KIAA1671: variants seen among roughly 807,000 people sequenced by gnomAD.
KIAA1671 encodes the protein uncharacterized protein KIAA1671.
In KIAA1671, 52 loss-of-function variants were observed where a neutral mutation model predicts 131.2. The observed-to-expected ratio is 0.40, with a 90% CI of 0.32 to 0.50. The LOEUF (loss-of-function observed/expected upper bound fraction) is 0.50, where lower values mean the gene tolerates loss of function less well. Ranked by LOEUF, KIAA1671 falls within the 20% of genes least tolerant of loss-of-function variation. The probability of loss-of-function intolerance (pLI) is 0.73; values close to 1 mark genes in which losing one functional copy is unlikely to be tolerated. For missense variants in KIAA1671, 2,360 were observed against 2,364.2 expected, an observed-to-expected ratio of 1.00 and a Z score of 0.04; for synonymous variants, 1,003 against 961.6, an observed-to-expected ratio of 1.04 and a Z score of -0.80.
intron 6 of KIAA1671, among the ~76,000 whole-genome samples, chr22:25,087,100 G>A (rs1929765264): frequency 1.3e-5 from 2 of 152,034 alleles, no homozygotes; most frequent in African/African-American, 4.8e-5. Context: ...GTGAGCCTCA[G>A]TTTTTCTCAT....
rs577012186 is a variant in KIAA1671, at chr22:25,193,410, A to G, written c.*1009A>G. ...TCTTTTTCTCCAGAGTCTTCTTTGA[A>G]CATGACGTGGGCTGCTGGCATGGAG... On this transcript the variant is annotated 3_prime_UTR_variant, in exon 13 of 13. Transcript: ENST00000358431. 1 of 152,348 alleles carries G rather than the reference A, an allele frequency of 6.6e-6. No individual in the cohort carries two copies. Among genetic ancestry groups the G allele is most frequent in the Non-Finnish European group, 1.5e-5 (1 of 68,052 alleles). 9.4% of individuals were successfully genotyped at this position (152,348 alleles called of 1,614,324 possible).
At chr22:25,165,089 A>C (rs1043651422) in intron 6 of KIAA1671, among the ~76,000 whole-genome samples, 2 of 151,456 alleles carry the variant, frequency 1.3e-5, no homozygotes, top group African/African-American at 4.9e-5. Flanking sequence ...AGTCCCGCCA[A>C]GTTCTGGTAG....
intron 6 of KIAA1671, among the ~76,000 whole-genome samples, chr22:25,159,352 C>T (rs968732320): frequency 3.9e-5 from 6 of 152,118 alleles, no homozygotes; most frequent in Non-Finnish European, 8.8e-5. Context: ...GCTGGGGCTG[C>T]GGATCATTAT....
At chr22:25,121,430 C>G (rs1281866181) in intron 6 of KIAA1671, among the ~76,000 whole-genome samples, 2 of 150,614 alleles carry the variant, frequency 1.3e-5, no homozygotes. Context: ...CCACTGCACT[C>G]CAGCCTGGGC....
At chr22:25,121,359 G>T (rs2145929049) in intron 6 of KIAA1671, among the ~76,000 whole-genome samples, 1 of 152,174 alleles carries the variant, frequency 6.6e-6, no homozygotes. Context: ...CTGCTCGGGA[G>T]GCTGAGGCAG....
In KIAA1671 at chr22:24,952,913, A is replaced by C. The variant is rs1921485375; in HGVS notation, c.-208+141A>C. On this transcript the variant is annotated intron_variant, in intron 1 of 12. Coordinates refer to ENST00000358431, the MANE Select transcript of KIAA1671 (RefSeq NM_001145206.2). This position sits in a 1 kb window ranked among gnomAD's most constrained non-coding sequence, Gnocchi z 4.5. The stretch of plus-strand genomic sequence containing the variant: ...CGAGGCCCCGGGAGAAAAGTTGGCA[A>C]AGTTGGCCGGGGAAGAGGCGGGGAG... 1 of 152,094 alleles carries C rather than the reference A, an allele frequency of 6.6e-6. No homozygotes were observed. Among genetic ancestry groups the C allele is most frequent in the African/African-American group, 2.4e-5 (1 of 41,420 alleles). 9.4% of individuals were successfully genotyped at this position (152,094 alleles called of 1,614,324 possible).
chr22:25,089,797 C>A (rs1032627466), intron 6 of KIAA1671, among the ~76,000 whole-genome samples: 1 of 152,190 alleles, frequency 6.6e-6, no homozygotes, highest in Admixed American at 6.5e-5. Flanking sequence ...ATAAACAATT[C>A]TGCAGTGAAC....
chr22:25,148,079 T>A (rs983391643), intron 6 of KIAA1671, among the ~76,000 whole-genome samples: 1 of 149,540 alleles, frequency 6.7e-6, no homozygotes, highest in Non-Finnish European at 1.5e-5. Context: ...TCTCTTTCTT[T>A]ATAAATTCAT....
At chr22:24,958,929 C>T (rs1051107131) in intron 1 of KIAA1671, among the ~76,000 whole-genome samples, 5 of 147,048 alleles carry the variant, frequency 3.4e-5, no homozygotes, top group East Asian at 4.0e-4. Context: ...TGCCCTGAGC[C>T]GAGATTGTGC....
intron 5 of KIAA1671, chr22:25,048,928 GTTTC>G (rs1927387106): frequency 3.0e-6 from 1 of 336,404 alleles, no homozygotes; most frequent in Admixed American, 4.3e-5. Flanking sequence ...TCCATGTGCT[GTTTC>G]TTAGCGCCTA....
chr22:25,153,925 TC>T (rs1228489532), intron 6 of KIAA1671, among the ~76,000 whole-genome samples: 4 of 152,202 alleles, frequency 2.6e-5, no homozygotes, highest in African/African-American at 9.7e-5. Flanking sequence ...TGGTGTCTCT[TC>T]CATGAATCCT....
chr22:25,032,150 G>A (rs1926329484), intron 3 of KIAA1671, among the ~76,000 whole-genome samples: 2 of 152,200 alleles, frequency 1.3e-5, no homozygotes, highest in African/African-American at 4.8e-5. Context: ...GGGCTGCTCT[G>A]AGGTGGGGCT....
chr22:24,970,636 T>A (rs1479943126), intron 1 of KIAA1671, among the ~76,000 whole-genome samples: 1 of 150,904 alleles, frequency 6.6e-6, no homozygotes, highest in Non-Finnish European at 1.5e-5. Context: ...AGTACAGGGG[T>A]CCAATCTTTC....
intron 6 of KIAA1671, among the ~76,000 whole-genome samples, chr22:25,145,395 A>T (rs1241897825): frequency 1.3e-5 from 2 of 152,186 alleles, no homozygotes; most frequent in Non-Finnish European, 2.9e-5. Context: ...CATGAGGATG[A>T]TGGTGGTTTC....
In KIAA1671 at chr22:25,194,329, G is replaced by A. The variant is rs1251360405; in HGVS notation, c.*1928G>A. ...GGGCTCAAGCAATTGTCCCTCCTCA[G>A]CCTCCCAAAGTGCTCGGATTACAGA... is the stretch of plus-strand genomic sequence containing the variant. On this transcript the variant is annotated 3_prime_UTR_variant, in exon 13 of 13. Transcript: ENST00000358431. 6.6e-6 allele frequency: 1 copy of A among 152,256 alleles called. No homozygotes were observed. The highest frequency in any genetic ancestry group is 1.9e-4 in the East Asian group (1 of 5,188). The allele number at this position is 152,256 out of a possible 1,614,324, so 9.4% of individuals were successfully genotyped here.
At chr22:25,180,351 C>T (rs1228876790) in intron 9 of KIAA1671, among the ~76,000 whole-genome samples, 1 of 152,152 alleles carries the variant, frequency 6.6e-6, no homozygotes, top group African/African-American at 2.4e-5. Context: ...CCATTCTGGC[C>T]AACATGGTGA....
At position 25,190,715 on chromosome 22, in the gene KIAA1671, T is replaced by G; in HGVS notation, c.5356T>G (p.Ser1786Ala). The G allele has an allele frequency of 6.4e-7, 1 of 1,551,584 alleles. No individual in the cohort carries two copies. Among genetic ancestry groups the G allele is most frequent in the Non-Finnish European group, 8.7e-7 (1 of 1,146,844 alleles). Residue 1786 changes from serine to alanine, a missense_variant, in exon 12 of 13, where the codon TCT becomes GCT. Physicochemically the swap from Ser to Ala is moderately conservative, Grantham distance 99. Around this residue, in one of 3 missense-constraint regions of KIAA1671, gnomAD observed 1,161 missense variants for 1,204.7 expected, o/e 0.96. Transcript: ENST00000358431. The stretch of plus-strand genomic sequence containing the variant: ...TTGTGGTTTCAGGTCGGATGAACCC[T>G]CTCCCCAGTGGCTAAAGGAATTGAA... ...MDKDERSDEP[S>A]PQWLKELKSK... is the part of the protein sequence containing the mutation.
chr22:25,087,401 T>A (rs1929783925), intron 6 of KIAA1671, among the ~76,000 whole-genome samples: 2 of 152,164 alleles, frequency 1.3e-5, no homozygotes, highest in African/African-American at 4.8e-5. Context: ...CTGGCCAATG[T>A]GATGAAACCC....
intron 6 of KIAA1671, among the ~76,000 whole-genome samples, chr22:25,101,101 C>T (rs760267328): frequency 2.6e-5 from 4 of 152,188 alleles, no homozygotes; most frequent in East Asian, 1.9e-4. Context: ...GAACTTCAGT[C>T]GCTGTGGTGG....
Sources: allele counts gnomAD v4.1 joint callset (sites outside exome capture counted in the v4.1 genomes callset), GRCh38; gene constraint gnomAD v4.1.1; regional missense constraint gnomAD v4.1.1; non-coding constraint Gnocchi (gnomAD v3.1); transcripts MANE v1.5; gene names NCBI Gene and HGNC (gene_info 2026-07-23, HGNC 2026-07-21).